The following SNTG1 variants were observed in gnomAD, a reference collection of about 807,000 sequenced individuals.
SNTG1 encodes the protein gamma-1-syntrophin.
In SNTG1, 39 loss-of-function variants were observed where a neutral mutation model predicts 74.7. The ratio of observed to expected loss-of-function variants is 0.52; its 90% CI spans 0.40 to 0.68. The LOEUF (loss-of-function observed/expected upper bound fraction) is 0.68. Ranked by LOEUF, SNTG1 falls within the 30% of genes least tolerant of loss-of-function variation. The pLI is 0.00. For missense variants in SNTG1, 685 were observed against 609.5 expected (o/e 1.12, Z -1.30); for synonymous variants, 254 against 217.1 (o/e 1.17, Z -1.49).
At chr8:50,687,774 A>G (rs1254887744) in intron 15 of SNTG1, among the ~76,000 whole-genome samples, 3 of 151,626 alleles carry the variant, frequency 2.0e-5, no homozygotes, top group Middle Eastern at 3.4e-3. Context: ...TCCTGTGTCC[A>G]TGTGTTCTCA....
chr8:50,081,613 T>G (rs1822419708), intron 1 of SNTG1, among the ~76,000 whole-genome samples: 1 of 151,790 alleles, frequency 6.6e-6, no homozygotes, highest in Non-Finnish European at 1.5e-5. Flanking sequence ...GTTCACTTCG[T>G]TTTTTTTGTT....
At chr8:50,276,429 AAAC>A (rs1182227018) in intron 2 of SNTG1, among the ~76,000 whole-genome samples, 2 of 150,204 alleles carry the variant, frequency 1.3e-5, no homozygotes, top group African/African-American at 4.9e-5. Context: ...TTAACTAACT[AAAC>A]AAAAAAATAC....
chr8:50,140,591 G>A (rs2081623074), intron 1 of SNTG1, among the ~76,000 whole-genome samples: 2 of 152,230 alleles, frequency 1.3e-5, no homozygotes, highest in African/African-American at 4.8e-5. Flanking sequence ...TTTATAGTAT[G>A]TGGATGTAAG....
intron 17 of SNTG1, among the ~76,000 whole-genome samples, chr8:50,727,092 G>A (rs887205820): frequency 2.0e-5 from 3 of 152,166 alleles, no homozygotes; most frequent in Non-Finnish European, 2.9e-5. Context: ...CTGTGAATAC[G>A]CAAGAGAGAA....
intron 1 of SNTG1, among the ~76,000 whole-genome samples, chr8:50,097,334 T>C (rs1178332774): frequency 6.6e-6 from 1 of 152,192 alleles, no homozygotes. Flanking sequence ...AATTTGTTTT[T>C]GCTAGGAACT....
At chr8:50,506,108 A>G (rs2094004124) in intron 9 of SNTG1, among the ~76,000 whole-genome samples, 1 of 152,090 alleles carries the variant, frequency 6.6e-6, no homozygotes, top group African/African-American at 2.4e-5. Flanking sequence ...AGAGAAGACT[A>G]TTCTTTCCCT....
intron 2 of SNTG1, among the ~76,000 whole-genome samples, chr8:50,202,068 T>C (rs533265460): frequency 9.2e-5 from 14 of 152,252 alleles, no homozygotes; most frequent in African/African-American, 3.4e-4. Flanking sequence ...ACAATCCTTC[T>C]TTCCAGAGTT....
At chr8:50,220,491 G>A (rs756197186) in intron 2 of SNTG1, among the ~76,000 whole-genome samples, 2 of 152,148 alleles carry the variant, frequency 1.3e-5, no homozygotes, top group Admixed American at 6.5e-5. Flanking sequence ...GGGATAATCT[G>A]TCTGCCCATC....
At chr8:50,091,689 A>T (rs2079744039) in intron 1 of SNTG1, among the ~76,000 whole-genome samples, 1 of 152,150 alleles carries the variant, frequency 6.6e-6, no homozygotes, top group Non-Finnish European at 1.5e-5. Context: ...TTTCATAAGT[A>T]TATTTCACCT....
intron 11 of SNTG1, among the ~76,000 whole-genome samples, chr8:50,543,865 T>C (rs1040283421): frequency 6.6e-6 from 1 of 152,126 alleles, no homozygotes; most frequent in Non-Finnish European, 1.5e-5. Flanking sequence ...TGTTGCTTTA[T>C]TGAACCACTT....
intron 17 of SNTG1, among the ~76,000 whole-genome samples, chr8:50,735,928 A>G (rs907064710): frequency 2.6e-5 from 4 of 152,126 alleles, no homozygotes; most frequent in Non-Finnish European, 5.9e-5. Context: ...ATCTCTCTGC[A>G]GAAACCCTAC....
chr8:50,652,345 T>G (rs1246543500), intron 13 of SNTG1, among the ~76,000 whole-genome samples: 5 of 152,156 alleles, frequency 3.3e-5, no homozygotes, highest in Non-Finnish European at 7.4e-5. Flanking sequence ...ATTAAGCAGA[T>G]TGTATTAATT....
chr8:50,338,071 G>A (rs1286431351), intron 2 of SNTG1, among the ~76,000 whole-genome samples: 2 of 107,008 alleles, frequency 1.9e-5, no homozygotes, highest in Non-Finnish European at 4.2e-5. Flanking sequence ...GGGAGGCGGA[G>A]CTTGCAGTGA....
At chr8:50,534,766 C>T (rs1044439119) in intron 10 of SNTG1, among the ~76,000 whole-genome samples, 1 of 152,052 alleles carries the variant, frequency 6.6e-6, no homozygotes, top group African/African-American at 2.4e-5. Context: ...TAGAGTGAGA[C>T]CCTGTCTCAA....
chr8:50,167,615 A>G (rs2082668155), intron 1 of SNTG1, among the ~76,000 whole-genome samples: 1 of 151,222 alleles, frequency 6.6e-6, no homozygotes, highest in East Asian at 1.9e-4. Flanking sequence ...TGAGCAACAG[A>G]ACAAAACCTC....
At chr8:50,189,332 C>G (rs1194531784) in intron 2 of SNTG1, among the ~76,000 whole-genome samples, 1 of 151,874 alleles carries the variant, frequency 6.6e-6, no homozygotes, top group Non-Finnish European at 1.5e-5. Context: ...CAAAAGTGAG[C>G]ATACAATGGA....
intron 8 of SNTG1, among the ~76,000 whole-genome samples, chr8:50,492,667 C>T (rs991969414): frequency 2.6e-5 from 4 of 152,096 alleles, no homozygotes; most frequent in Non-Finnish European, 5.9e-5. Context: ...CAAAAATTTT[C>T]TCCCATTCTG....
At chr8:50,565,307 C>G (rs1212400696) in intron 12 of SNTG1, among the ~76,000 whole-genome samples, 1 of 151,872 alleles carries the variant, frequency 6.6e-6, no homozygotes, top group African/African-American at 2.4e-5. Context: ...CTGTGGAAAT[C>G]TGAAAAGAGT....
intron 13 of SNTG1, among the ~76,000 whole-genome samples, chr8:50,636,354 G>A (rs1004288418): frequency 2.8e-4 from 42 of 151,942 alleles, no homozygotes; most frequent in African/African-American, 8.0e-4. Context: ...ACCAGGACTT[G>A]CCTAGAGTTA....
Sources: gnomAD v4.1 joint callset for allele counts (sites outside exome capture counted in the v4.1 genomes callset) on GRCh38, gnomAD v4.1.1 for gene constraint, MANE v1.5 for transcripts, NCBI Gene and HGNC (gene_info 2026-07-23, HGNC 2026-07-21) for gene names.